Variants in FAM168A observed in about 807,000 individuals in gnomAD.
FAM168A encodes the protein family with sequence similarity 168 member A.
A neutral mutation model predicts 28.5 loss-of-function variants in FAM168A; 3 were observed. The observed-to-expected ratio is 0.11, with a 90% CI of 0.05 to 0.27. The LOEUF (loss-of-function observed/expected upper bound fraction) is 0.27, where lower values mean the gene tolerates loss of function less well. Among genes scored for constraint, FAM168A ranks in the 10% least tolerant of loss-of-function variants. The pLI is 1.00. For synonymous variants in FAM168A, 122 were observed against 124.2 expected, an observed-to-expected ratio of 0.98 and a Z score of 0.12; for missense variants, 222 against 311.5, an observed-to-expected ratio of 0.71 and a Z score of 2.16.
chr11:73,545,681 T>G (rs1943739858), intron 1 of FAM168A, among the ~76,000 whole-genome samples: 2 of 147,870 alleles, frequency 1.4e-5, no homozygotes, highest in African/African-American at 5.0e-5. Flanking sequence ...GAATACTATA[T>G]ACTTTTTTTT....
intron 1 of FAM168A, among the ~76,000 whole-genome samples, chr11:73,506,672 T>C (rs1209885357): frequency 1.3e-5 from 2 of 152,282 alleles, no homozygotes; most frequent in South Asian, 4.1e-4. Context: ...TCCTCCATCT[T>C]TAACCCTCTA....
At chr11:73,545,894 T>C (rs1943744974) in intron 1 of FAM168A, among the ~76,000 whole-genome samples, 1 of 152,016 alleles carries the variant, frequency 6.6e-6, no homozygotes, top group Non-Finnish European at 1.5e-5. Context: ...AAAAACCCTG[T>C]GAGATGAGGG....
chr11:73,439,765 G>A (rs1244309529), intron 2 of FAM168A, among the ~76,000 whole-genome samples: 2 of 152,058 alleles, frequency 1.3e-5, no homozygotes, highest in Non-Finnish European at 2.9e-5. Flanking sequence ...ACACTTTAGA[G>A]GTTGTTTGGT....
chr11:73,569,050 T>C (rs1565302183), intron 1 of FAM168A, among the ~76,000 whole-genome samples: 1 of 152,186 alleles, frequency 6.6e-6, no homozygotes, highest in Non-Finnish European at 1.5e-5. Flanking sequence ...ACAAAATGCT[T>C]AAGTGTAATC....
chr11:73,441,675 G>T (rs1867198152), intron 2 of FAM168A, among the ~76,000 whole-genome samples: 1 of 152,146 alleles, frequency 6.6e-6, no homozygotes, highest in South Asian at 2.1e-4. Flanking sequence ...AAAGTTTTTT[G>T]ATTACTAATT....
In FAM168A at chr11:73,529,454, C is replaced by A. The variant is rs140318243; in HGVS notation, c.-18-60962G>T. On this transcript the variant is annotated intron_variant, in intron 1 of 7. Coordinates refer to ENST00000356467, the MANE Select transcript of FAM168A (RefSeq NM_015159.3). Reference sequence around the variant, plus strand: ...TGACAGATAATGTTTGTCTCTTTGCCCTTCTGAGGAGTACACTATGTGCAA... The same window carrying A: ...TGACAGATAATGTTTGTCTCTTTGCACTTCTGAGGAGTACACTATGTGCAA... Among the ~76,000 whole-genome samples, 61 of 152,242 alleles carry A rather than the reference C, an allele frequency of 4.0e-4. 1 individual carries two copies. Among genetic ancestry groups the A allele is most frequent in the African/African-American group, 1.4e-3 (60 of 41,522 alleles).
chr11:73,524,162 T>C (rs1370061000), intron 1 of FAM168A, among the ~76,000 whole-genome samples: 1 of 152,220 alleles, frequency 6.6e-6, no homozygotes, highest in African/African-American at 2.4e-5. Flanking sequence ...AATGCTTTTG[T>C]ATATAACCTC....
intron 2 of FAM168A, 76 bp from the exon 3 acceptor site, chr11:73,430,846 C>G (rs1481682491): frequency 1.6e-6 from 2 of 1,226,354 alleles, no homozygotes; most frequent in Admixed American, 4.9e-5. Context: ...AAAAAAACAC[C>G]CAGATTTTTG....
chr11:73,518,188 TATAACCAGGCTGA>T (rs1386756397), intron 1 of FAM168A, among the ~76,000 whole-genome samples: 1 of 152,182 alleles, frequency 6.6e-6, no homozygotes, highest in East Asian at 1.9e-4. Flanking sequence ...TATATAGGCC[TATAACCAGGCTGA>T]ATCAATCTCC....
rs926316754 is a variant in FAM168A at position 73,518,973 on chromosome 11, G to A, written c.-18-50481C>T. 2.0e-5 allele frequency among the ~76,000 whole-genome samples: 3 copies of A among 152,116 alleles called. No individual in the cohort carries two copies. The South Asian group carries it at 6.2e-4, about 31-fold the overall frequency. On this transcript the variant is annotated intron_variant, in intron 1 of 7. Transcript: ENST00000356467. ...CTCCCCTTCCCCTTCTGCCATGAGT[G>A]GAAGCAGCCTGAAGCCCTCACCAGA...
intron 1 of FAM168A, among the ~76,000 whole-genome samples, chr11:73,503,009 T>C (rs1048769906): frequency 5.9e-5 from 9 of 151,966 alleles, no homozygotes; most frequent in African/African-American, 2.2e-4. Flanking sequence ...CTCAAAATAA[T>C]AAGAACTATT....
At chr11:73,539,413 G>A (rs1943625989) in intron 1 of FAM168A, among the ~76,000 whole-genome samples, 3 of 152,132 alleles carry the variant, frequency 2.0e-5, no homozygotes, top group African/African-American at 7.2e-5. Context: ...GGGACTATAG[G>A]TGCATGCCAC....
chr11:73,544,962 TAATATATATTATATA>T, intron 1 of FAM168A, among the ~76,000 whole-genome samples: 1 of 91,648 alleles, frequency 1.1e-5, no homozygotes, highest in Non-Finnish European at 1.9e-5. Flanking sequence ...ATATTATATA[TAATATATATTATATA>T]ATATATTTTA....
intron 1 of FAM168A, among the ~76,000 whole-genome samples, chr11:73,566,609 G>C (rs747571511): frequency 6.6e-6 from 1 of 152,136 alleles, no homozygotes; most frequent in Non-Finnish European, 1.5e-5. Flanking sequence ...AAGCAACTCA[G>C]GAAATATGTA....
intron 1 of FAM168A, among the ~76,000 whole-genome samples, chr11:73,550,934 T>C (rs1008992305): frequency 4.6e-5 from 7 of 151,974 alleles, no homozygotes; most frequent in African/African-American, 1.2e-4. Flanking sequence ...GGTGAAACCC[T>C]GTCTCTACTA....
rs533999997 is a variant in FAM168A at position 73,401,525 on chromosome 11, G to C, written c.*5238C>G. The C allele has an allele frequency of 6.6e-6, 1 of 152,402 alleles. No individual in the cohort carries two copies. Among genetic ancestry groups the C allele is most frequent in the African/African-American group, 2.4e-5 (1 of 41,552 alleles). 9.4% of individuals were successfully genotyped at this position (152,402 alleles called of 1,614,324 possible). A position where few individuals can be genotyped will look rare whatever the true frequency, so the allele number is the denominator to read the frequency against. ...GGGTCTGGAGATGCTGGTCTTGCTG[G>C]GGTCAGGCCCAAAGCTGATCTCACC... On this transcript the variant is annotated 3_prime_UTR_variant, in exon 8 of 8. Transcript: ENST00000356467.
At chr11:73,446,242 T>C (rs1200443494) in intron 2 of FAM168A, among the ~76,000 whole-genome samples, 2 of 152,172 alleles carry the variant, frequency 1.3e-5, no homozygotes, top group African/African-American at 2.4e-5. Context: ...TCAGTTGAAA[T>C]TATAACAGGA....
chr11:73,409,703 T>C (rs1271944941), intron 5 of FAM168A, 42 bp from the exon 6 acceptor site: 5 of 1,562,258 alleles, frequency 3.2e-6, no homozygotes, highest in East Asian at 4.5e-5. Context: ...TTTGGAGAGG[T>C]AGGTGGGATA....
At chr11:73,431,245 G>A (rs1398565006) in intron 2 of FAM168A, among the ~76,000 whole-genome samples, 1 of 152,080 alleles carries the variant, frequency 6.6e-6, no homozygotes, top group Non-Finnish European at 1.5e-5. Context: ...TGGGGACTGA[G>A]GCAGGAAAGT....
Sources: allele counts gnomAD v4.1 joint callset (sites outside exome capture counted in the v4.1 genomes callset), GRCh38; gene constraint gnomAD v4.1.1; transcripts MANE v1.5; gene names NCBI Gene and HGNC (gene_info 2026-07-23, HGNC 2026-07-21).